The following HSD17B4 variants were observed in gnomAD, a reference collection of about 807,000 sequenced individuals.
HSD17B4 encodes the protein hydroxysteroid 17-beta dehydrogenase 4, also known as peroxisomal multifunctional enzyme type 2.
HSD17B4 carries 70 observed loss-of-function variants against 101.0 expected under a neutral mutation model. The observed-to-expected ratio is 0.69, with a 90% CI of 0.57 to 0.85. The LOEUF (loss-of-function observed/expected upper bound fraction) is 0.85, where lower values mean the gene tolerates loss of function less well. HSD17B4 is among the 40% of genes least tolerant of loss of function. HSD17B4 has a pLI of 0.00. For synonymous variants in HSD17B4, 347 were observed against 297.1 expected, an observed-to-expected ratio of 1.17 and a Z score of -1.73; for missense variants, 984 against 892.4, an observed-to-expected ratio of 1.10 and a Z score of -1.31.
In HSD17B4 at chr5:119,531,311, C is replaced by T. The variant is rs201560431; in HGVS notation, c.1900C>T (p.Arg634Cys). The T allele has an allele frequency of 1.9e-5, 30 of 1,612,820 alleles. No homozygotes were observed. The highest frequency in any genetic ancestry group is 2.3e-5 in the Non-Finnish European group (27 of 1,179,272). Reference protein sequence around the residue: ...STFVFEEIGRRLKDIGPEVVK... With the variant: ...STFVFEEIGRCLKDIGPEVVK... Reference sequence around the variant, plus strand: ...CTTTGTATTTGAGGAAATAGGACGCCGCCTAAAGGATATTGGGCCTGAGGT... The same window carrying T: ...CTTTGTATTTGAGGAAATAGGACGCTGCCTAAAGGATATTGGGCCTGAGGT... Residue 634 changes from arginine to cysteine, a missense_variant, in exon 22 of 24, where the codon CGC becomes TGC. Transcript: ENST00000510025.
chr5:119,454,704 C>G (rs1482935804), intron 1 of HSD17B4, among the ~76,000 whole-genome samples: 3 of 152,156 alleles, frequency 2.0e-5, no homozygotes, highest in East Asian at 1.9e-4. Context: ...TGACTGCAAC[C>G]TCTGCCTTCC....
At chr5:119,479,977 G>T (rs1472674042) in intron 8 of HSD17B4, among the ~76,000 whole-genome samples, 1 of 152,090 alleles carries the variant, frequency 6.6e-6, no homozygotes, top group Admixed American at 6.6e-5. Context: ...GAGAGTTCTT[G>T]TTGCTTCACA....
At position 119,527,226 on chromosome 5, in the gene HSD17B4, A is replaced by C; in HGVS notation, c.1767+7A>C. On this transcript the variant is annotated splice_region_variant and intron_variant, in intron 20 of 23. Transcript: ENST00000510025. ...AATTCATTTTCAAACCAAGGTATGA[A>C]TTTTGCTTTTTCACCCTTCTCACAT... The C allele has an allele frequency of 6.3e-7, 1 of 1,576,728 alleles. No homozygotes were observed. Among genetic ancestry groups the C allele is most frequent in the South Asian group, 1.1e-5 (1 of 90,238 alleles).
rs183342838 is a variant in HSD17B4 at position 119,489,321 on chromosome 5, C to G, written c.714+38C>G. On this transcript the variant is annotated intron_variant, in intron 9 of 23. Coordinates refer to ENST00000510025, the MANE Select transcript of HSD17B4 (RefSeq NM_000414.4). ...TCCTGTTTTCTCTTATTAGTTTTCTCCAGTTGCTTACATTTGTAAAAATCT... is the reference window on the plus strand; with the variant it reads ...TCCTGTTTTCTCTTATTAGTTTTCTGCAGTTGCTTACATTTGTAAAAATCT... 2.3e-6 allele frequency: 3 copies of G among 1,302,400 alleles called. No homozygotes were observed. The African/African-American group carries it at 4.4e-5, about 19-fold the overall frequency. 80.7% of individuals were successfully genotyped at this position (1,302,400 alleles called of 1,614,324 possible). A position where few individuals can be genotyped will look rare whatever the true frequency, so the allele number is the denominator to read the frequency against.
intron 8 of HSD17B4, among the ~76,000 whole-genome samples, chr5:119,479,732 A>G (rs942741980): frequency 4.6e-5 from 7 of 152,222 alleles, no homozygotes; most frequent in Middle Eastern, 3.4e-3. Flanking sequence ...TTGTTTATTC[A>G]TACACCTATT....
intron 2 of HSD17B4, among the ~76,000 whole-genome samples, chr5:119,466,215 T>C (rs1348441839): frequency 1.3e-5 from 2 of 152,182 alleles, no homozygotes; most frequent in Non-Finnish European, 2.9e-5. Context: ...GTATTTTGTT[T>C]AGGATTTTTG....
At chr5:119,476,693 G>C in intron 6 of HSD17B4, 1 of 985,454 alleles carries the variant, frequency 1.0e-6, no homozygotes, top group South Asian at 4.7e-5. Flanking sequence ...GGCCTATGTT[G>C]GTGCTTTTCT....
intron 17 of HSD17B4, among the ~76,000 whole-genome samples, chr5:119,523,727 C>T (rs1443392713): frequency 6.6e-6 from 1 of 152,108 alleles, no homozygotes; most frequent in Non-Finnish European, 1.5e-5. Context: ...TTGCTATAAT[C>T]TTTAAAAAAT....
chr5:119,521,587 T>C (rs1163020190), intron 17 of HSD17B4, among the ~76,000 whole-genome samples: 3 of 152,114 alleles, frequency 2.0e-5, no homozygotes, highest in Admixed American at 6.5e-5. Flanking sequence ...TTCATTCTCA[T>C]GGTTCATTTC....
At chr5:119,463,704 G>A (rs957984431) in intron 2 of HSD17B4, among the ~76,000 whole-genome samples, 2 of 106,628 alleles carry the variant, frequency 1.9e-5, no homozygotes, top group African/African-American at 3.5e-5. Context: ...GTGTTACTCC[G>A]TTGCCCAGGC....
At chr5:119,506,013 C>CATT (rs1171764135) in intron 14 of HSD17B4, among the ~76,000 whole-genome samples, 3 of 152,006 alleles carry the variant, frequency 2.0e-5, no homozygotes, top group African/African-American at 4.8e-5. Context: ...AGTTCAGGAA[C>CATT]ATTATTATTA....
intron 16 of HSD17B4, among the ~76,000 whole-genome samples, chr5:119,513,575 G>C (rs547155123): frequency 1.3e-5 from 2 of 152,154 alleles, no homozygotes; most frequent in South Asian, 4.2e-4. Flanking sequence ...GTAGAGACGG[G>C]GTTTCACCAT....
intron 8 of HSD17B4, among the ~76,000 whole-genome samples, chr5:119,484,211 A>G (rs1373823397): frequency 1.3e-5 from 2 of 152,128 alleles, no homozygotes; most frequent in Non-Finnish European, 2.9e-5. Flanking sequence ...CTCCCTTAAA[A>G]AGAAAAAAAG....
intron 22 of HSD17B4, among the ~76,000 whole-genome samples, chr5:119,532,284 G>A (rs1027282389): frequency 6.6e-6 from 1 of 152,002 alleles, no homozygotes; most frequent in African/African-American, 2.4e-5. Context: ...CTGTATTATG[G>A]TCATTTATAA....
At chr5:119,453,193 C>T (rs752674617) in intron 1 of HSD17B4, among the ~76,000 whole-genome samples, 2 of 152,198 alleles carry the variant, frequency 1.3e-5, no homozygotes, top group South Asian at 4.1e-4. Context: ...GTATGCTTAG[C>T]AAGTCACAAT....
chr5:119,475,841 C>A lies in HSD17B4; in HGVS notation c.320C>A (p.Ser107Tyr). ...VNNAGILRDR[S>Y]FARISDEDWD... ...TTTTTTAGAATTCTGAGGGATCGTTCCTTTGCTAGGATAAGTGATGAAGAC... is the reference window on the plus strand; with the variant it reads ...TTTTTTAGAATTCTGAGGGATCGTTACTTTGCTAGGATAAGTGATGAAGAC... The change falls in exon 6 of 24, where the codon TCC (serine) becomes TAC (tyrosine). Residue 107 changes from serine (S) to tyrosine (Y), a missense_variant. Ser to Tyr is a moderately radical substitution (Grantham distance 144). Coordinates refer to ENST00000510025, the MANE Select transcript of HSD17B4 (RefSeq NM_000414.4). 6.3e-7 allele frequency: 1 copy of A among 1,599,556 alleles called. No homozygotes were observed. Among genetic ancestry groups the A allele is most frequent in the Non-Finnish European group, 8.6e-7 (1 of 1,167,104 alleles).
In HSD17B4 at chr5:119,503,076, T is replaced by TTGTGTGTGTGTGTG. The variant is rs759039800; in HGVS notation, c.1261+1010_1261+1023dup. Among the ~76,000 whole-genome samples the TTGTGTGTGTGTGTG allele has an allele frequency of 8.9e-3, 1,245 of 140,582 alleles. 32 individuals are homozygous for TTGTGTGTGTGTGTG. The East Asian group carries it at 0.097, about 11-fold the overall frequency. 92.2% of individuals were successfully genotyped at this position (140,582 alleles called of 152,430 possible). A position where few individuals can be genotyped will look rare whatever the true frequency, so the allele number is the denominator to read the frequency against. ...AGATTCTCAATCCCAACCTTGGAAA[T>TTGTGTGTGTGTGTG]TGTGTGTGTGTGTGTGTGTGTGTGT... is the stretch of plus-strand genomic sequence containing the variant. On this transcript the variant is annotated intron_variant, in intron 14 of 23. Coordinates refer to ENST00000510025, the MANE Select transcript of HSD17B4 (RefSeq NM_000414.4).
chr5:119,454,881 TAA>T (rs1754443958), intron 1 of HSD17B4, among the ~76,000 whole-genome samples: 1 of 152,128 alleles, frequency 6.6e-6, no homozygotes, highest in Non-Finnish European at 1.5e-5. Flanking sequence ...CTCTGTCTCA[TAA>T]AGTGTTGGGA....
intron 14 of HSD17B4, among the ~76,000 whole-genome samples, chr5:119,502,925 A>G (rs914452708): frequency 6.6e-6 from 1 of 152,166 alleles, no homozygotes; most frequent in African/African-American, 2.4e-5. Context: ...GCATTGATCA[A>G]ATATCTGCTG....
Sources: gnomAD v4.1 joint callset for allele counts (sites outside exome capture counted in the v4.1 genomes callset) on GRCh38, gnomAD v4.1.1 for gene constraint, MANE v1.5 for transcripts, NCBI Gene and HGNC (gene_info 2026-07-23, HGNC 2026-07-21) for gene names.